The following PARVA variants were observed in gnomAD, a reference collection of about 807,000 sequenced individuals.
PARVA encodes the protein alpha-parvin.
Under a neutral mutation model 52.6 loss-of-function variants are expected in PARVA, and 25 were observed. The ratio of observed to expected loss-of-function variants is 0.48; its 90% confidence interval spans 0.35 to 0.66. The LOEUF (loss-of-function observed/expected upper bound fraction) is 0.66, where lower values mean the gene tolerates loss of function less well. Among genes scored for constraint, PARVA ranks in the 30% least tolerant of loss-of-function variants. The pLI is 0.01. For missense variants in PARVA, 373 were observed against 450.9 expected (o/e 0.83, Z 1.56); for synonymous variants, 185 against 179.1 (o/e 1.03, Z -0.26).
intron 7 of PARVA, 80 bp from the exon 8 acceptor site, chr11:12,511,434 T>C (rs1941501167): frequency 2.0e-6 from 3 of 1,480,830 alleles, no homozygotes; most frequent in African/African-American, 2.8e-5. Flanking sequence ...CCAGCAGTGA[T>C]GGAGTGTCCT....
chr11:12,415,641 A>T (rs1228941172), intron 1 of PARVA, among the ~76,000 whole-genome samples: 1 of 152,184 alleles, frequency 6.6e-6, no homozygotes, highest in African/African-American at 2.4e-5. Context: ...ATTATCACAG[A>T]TCTTAATTTG....
intron 1 of PARVA, among the ~76,000 whole-genome samples, chr11:12,391,805 C>T (rs890630707): frequency 6.6e-6 from 1 of 152,162 alleles, no homozygotes; most frequent in Non-Finnish European, 1.5e-5. Context: ...GATGGAAGCT[C>T]AAGTCCAGAG....
At position 12,377,668 on chromosome 11, in the gene PARVA, G is replaced by T; in HGVS notation, c.21G>T (p.Lys7Asn). Residue 7 changes from lysine (K) to asparagine (N), a missense_variant, in exon 1 of 13, where the codon AAG becomes AAT. Physicochemically the swap from Lys to Asn is moderately conservative, Grantham distance 94. Coordinates refer to ENST00000334956, the MANE Select transcript of PARVA (RefSeq NM_018222.5). ...GCGCCATGGCCACCTCCCCGCAGAAGTCGCCTTCTGTCCCCAAGTCTCCCA... is the reference window on the plus strand; with the variant it reads ...GCGCCATGGCCACCTCCCCGCAGAATTCGCCTTCTGTCCCCAAGTCTCCCA... MATSPQKSPSVPKSPTP... is the reference protein window; with the variant it reads MATSPQNSPSVPKSPTP... 6.4e-7 allele frequency: 1 copy of T among 1,569,682 alleles called. No homozygotes were observed. The highest frequency in any genetic ancestry group is 8.6e-7 in the Non-Finnish European group (1 of 1,162,824).
intron 1 of PARVA, among the ~76,000 whole-genome samples, chr11:12,423,182 ATTTTT>A (rs34667589): frequency 7.5e-6 from 1 of 132,924 alleles, no homozygotes; most frequent in Non-Finnish European, 1.6e-5. Context: ...CATTAAGGAG[ATTTTT>A]TTTTTTTTTT....
At position 12,529,176 on chromosome 11, in the gene PARVA, T is replaced by C. The variant is rs934800062; in HGVS notation, c.*1251T>C. 5.9e-5 allele frequency: 9 copies of C among 152,216 alleles called. No individual in the cohort carries two copies. Among genetic ancestry groups the C allele is most frequent in the Non-Finnish European group, 8.8e-5 (6 of 68,030 alleles). 9.4% of individuals were successfully genotyped at this position (152,216 alleles called of 1,614,324 possible). ...ACCGGCTAATTCAAGCGAGGAAAAA[T>C]GTAAGTCATTTAGACCAAAGCCAAG... On this transcript the variant is annotated 3_prime_UTR_variant, in exon 13 of 13. Coordinates refer to ENST00000334956, the MANE Select transcript of PARVA (RefSeq NM_018222.5).
At chr11:12,477,720 T>A in intron 3 of PARVA, 127 bp from the exon 4 acceptor site, 1 of 626,092 alleles carries the variant, frequency 1.6e-6, no homozygotes, top group Middle Eastern at 4.2e-4. Context: ...CCATCTCAAA[T>A]AAAATGAAAC....
chr11:12,498,465 A>G (rs1189057232), intron 5 of PARVA, among the ~76,000 whole-genome samples: 1 of 152,034 alleles, frequency 6.6e-6, no homozygotes, highest in African/African-American at 2.4e-5. Context: ...TCGTATTACC[A>G]TGCTAATCTA....
At chr11:12,380,078 T>A (rs924738426) in intron 1 of PARVA, among the ~76,000 whole-genome samples, 2 of 152,176 alleles carry the variant, frequency 1.3e-5, no homozygotes, top group African/African-American at 4.8e-5. Context: ...CTATCCTGCT[T>A]TCTAGAGTCT....
chr11:12,419,476 T>C (rs1940116820), intron 1 of PARVA, among the ~76,000 whole-genome samples: 1 of 152,250 alleles, frequency 6.6e-6, no homozygotes, highest in South Asian at 2.1e-4. Flanking sequence ...TGAATGATAT[T>C]CCATTGTATG....
chr11:12,466,271 C>T (rs1168481797), intron 1 of PARVA, among the ~76,000 whole-genome samples: 5 of 151,700 alleles, frequency 3.3e-5, no homozygotes, highest in Non-Finnish European at 7.4e-5. Context: ...ATTCTCTTAA[C>T]AGTATCTTTT....
Position 12,504,362 on chromosome 11 carries a change from T to A in PARVA, c.590T>A (p.Leu197Gln), listed in dbSNP as rs1376050330. ...GCCATCTTACACCTGCTCGTTGCTC[T>A]GTCTCAGTATTTCCGCGCACCAATT... is the stretch of plus-strand genomic sequence containing the variant. Reference protein sequence around the residue: ...LVAILHLLVALSQYFRAPIRL... With the variant: ...LVAILHLLVAQSQYFRAPIRL... Residue 197 changes from leucine to glutamine, a missense_variant, in exon 6 of 13, where the codon CTG becomes CAG. Transcript: ENST00000334956. 1 of 1,613,924 alleles carries A rather than the reference T, an allele frequency of 6.2e-7. No individual in the cohort carries two copies. Among genetic ancestry groups the A allele is most frequent in the Non-Finnish European group, 8.5e-7 (1 of 1,179,792 alleles).
At chr11:12,503,095 G>A (rs1328424809) in intron 5 of PARVA, among the ~76,000 whole-genome samples, 4 of 152,106 alleles carry the variant, frequency 2.6e-5, no homozygotes, top group Non-Finnish European at 4.4e-5. Context: ...GCTTGACTTT[G>A]AGCACATGAC....
At chr11:12,487,250 C>A (rs1207902545) in intron 4 of PARVA, among the ~76,000 whole-genome samples, 1 of 152,140 alleles carries the variant, frequency 6.6e-6, no homozygotes, top group African/African-American at 2.4e-5. Context: ...CTTTGAGAGT[C>A]ACTTTTCTAT....
intron 9 of PARVA, chr11:12,513,607 C>G (rs1461535292): frequency 1.5e-6 from 1 of 652,598 alleles, no homozygotes; most frequent in Admixed American, 2.1e-5. Context: ...CCAGCAATCT[C>G]AGCCTTCCCC....
intron 1 of PARVA, among the ~76,000 whole-genome samples, chr11:12,443,257 C>T (rs975810511): frequency 2.8e-5 from 4 of 143,384 alleles, no homozygotes; most frequent in Non-Finnish European, 6.0e-5. Flanking sequence ...CTGCAACCTT[C>T]GCATCCCGGG....
intron 1 of PARVA, among the ~76,000 whole-genome samples, chr11:12,386,997 ATC>A (rs1343065475): frequency 6.6e-6 from 1 of 152,196 alleles, no homozygotes; most frequent in Non-Finnish European, 1.5e-5. Flanking sequence ...CTCATGGAAT[ATC>A]TCTATTTGGT....
chr11:12,520,290 T>C (rs1941621223), intron 12 of PARVA, among the ~76,000 whole-genome samples: 1 of 152,230 alleles, frequency 6.6e-6, no homozygotes, highest in South Asian at 2.1e-4. Flanking sequence ...AATAGCATTT[T>C]ATGAAATTGT....
At chr11:12,383,452 A>G (rs191031162) in intron 1 of PARVA, among the ~76,000 whole-genome samples, 149 of 152,356 alleles carry the variant, frequency 9.8e-4, no homozygotes, top group South Asian at 1.9e-3. Context: ...CATTTTGATC[A>G]GGACCTGAGG....
chr11:12,435,848 T>A (rs1027178218), intron 1 of PARVA, among the ~76,000 whole-genome samples: 7 of 152,150 alleles, frequency 4.6e-5, no homozygotes, highest in Non-Finnish European at 5.9e-5. Context: ...GATGAAGTCT[T>A]GCTTTGTCGC....
Sources: gnomAD v4.1 joint callset for allele counts (sites outside exome capture counted in the v4.1 genomes callset) on GRCh38, gnomAD v4.1.1 for gene constraint, MANE v1.5 for transcripts, NCBI Gene and HGNC (gene_info 2026-07-23, HGNC 2026-07-21) for gene names.